ZNF385B: variants seen among roughly 807,000 people sequenced by gnomAD.
ZNF385B encodes the protein zinc finger protein 533.
A neutral mutation model predicts 39.2 loss-of-function variants in ZNF385B; 23 were observed. The observed-to-expected ratio is 0.59, with a 90% confidence interval of 0.42 to 0.83. ZNF385B has a LOEUF of 0.83. ZNF385B is among the 40% of genes least tolerant of loss of function. The pLI, the probability that ZNF385B is intolerant of heterozygous loss-of-function variation, is 0.00. For synonymous variants in ZNF385B, 205 were observed against 222.6 expected, an observed-to-expected ratio of 0.92 and a Z score of 0.70; for missense variants, 552 against 598.9, an observed-to-expected ratio of 0.92 and a Z score of 0.82.
At chr2:179,493,494 T>TAG (rs1460862157) in intron 5 of ZNF385B, among the ~76,000 whole-genome samples, 2 of 149,782 alleles carry the variant, frequency 1.3e-5, no homozygotes, top group South Asian at 4.2e-4. Flanking sequence ...TGTATAAACG[T>TAG]GTGTGTACAT....
At chr2:179,780,051 CAT>C (rs2106521886) in intron 1 of ZNF385B, among the ~76,000 whole-genome samples, 1 of 152,174 alleles carries the variant, frequency 6.6e-6, no homozygotes, top group Admixed American at 6.5e-5. Flanking sequence ...GGCCTAGGAG[CAT>C]AAACCTTCCC....
chr2:179,470,207 C>T (rs1234501021), intron 6 of ZNF385B, among the ~76,000 whole-genome samples: 1 of 152,192 alleles, frequency 6.6e-6, no homozygotes, highest in African/African-American at 2.4e-5. Context: ...CATGTTGAAA[C>T]TTCTAGTCTG....
At chr2:179,641,871 G>A (rs982962191) in intron 3 of ZNF385B, among the ~76,000 whole-genome samples, 3 of 152,058 alleles carry the variant, frequency 2.0e-5, no homozygotes, top group Non-Finnish European at 4.4e-5. Flanking sequence ...AGATGCTTTC[G>A]ATGAAGGTGG....
chr2:179,827,364 A>G (rs165376), intron 1 of ZNF385B, among the ~76,000 whole-genome samples: 152,163 of 152,236 alleles, frequency 1, 76,045 homozygotes, highest in Non-Finnish European at 1. Flanking sequence ...TCTGTCCCGT[A>G]AGCAATAAGT....
intron 3 of ZNF385B, among the ~76,000 whole-genome samples, chr2:179,734,876 C>T (rs996023051): frequency 3.3e-5 from 5 of 152,168 alleles, no homozygotes; most frequent in African/African-American, 1.2e-4. Context: ...ATAGAAAAAT[C>T]AATTCAAGAT....
At chr2:179,485,206 G>A (rs1439230834) in intron 5 of ZNF385B, among the ~76,000 whole-genome samples, 1 of 152,178 alleles carries the variant, frequency 6.6e-6, no homozygotes, top group Non-Finnish European at 1.5e-5. Flanking sequence ...GATCATTAGT[G>A]GAGAGTATGA....
chr2:179,517,728 C>A (rs2058191759), intron 5 of ZNF385B, among the ~76,000 whole-genome samples: 2 of 152,174 alleles, frequency 1.3e-5, no homozygotes, highest in South Asian at 4.2e-4. Context: ...CGGTCATTGG[C>A]TTTACTTGGT....
intron 3 of ZNF385B, among the ~76,000 whole-genome samples, chr2:179,679,208 A>G (rs542546879): frequency 1.3e-5 from 2 of 152,304 alleles, no homozygotes; most frequent in East Asian, 3.9e-4. Flanking sequence ...TAAGATTATA[A>G]TAATGTATTT....
At chr2:179,787,642 A>G (rs1336391262) in intron 1 of ZNF385B, among the ~76,000 whole-genome samples, 1 of 152,166 alleles carries the variant, frequency 6.6e-6, no homozygotes, top group Non-Finnish European at 1.5e-5. Context: ...TTCTTCTTAA[A>G]GACTGTCCTC....
chr2:179,668,283 T>A (rs1169058407), intron 3 of ZNF385B, among the ~76,000 whole-genome samples: 2 of 152,226 alleles, frequency 1.3e-5, no homozygotes, highest in Non-Finnish European at 2.9e-5. Context: ...ACTCATATAG[T>A]TACCTTAATT....
At chr2:179,809,803 T>C (rs890715974) in intron 1 of ZNF385B, among the ~76,000 whole-genome samples, 1 of 151,992 alleles carries the variant, frequency 6.6e-6, no homozygotes, top group Non-Finnish European at 1.5e-5. Context: ...AGAAAAAAAA[T>C]TATATTTATT....
intron 6 of ZNF385B, among the ~76,000 whole-genome samples, chr2:179,482,073 T>A (rs2054064893): frequency 6.6e-6 from 1 of 152,212 alleles, no homozygotes; most frequent in Non-Finnish European, 1.5e-5. Context: ...AAAGTCTTTA[T>A]TACCAAATTT....
At chr2:179,592,239 C>T (rs955881484) in intron 3 of ZNF385B, among the ~76,000 whole-genome samples, 1 of 152,124 alleles carries the variant, frequency 6.6e-6, no homozygotes, top group Non-Finnish European at 1.5e-5. Flanking sequence ...TCTCTACACC[C>T]TCTTCCTCTG....
chr2:179,692,973 C>G (rs1698465146), intron 3 of ZNF385B, among the ~76,000 whole-genome samples: 1 of 152,178 alleles, frequency 6.6e-6, no homozygotes, highest in Non-Finnish European at 1.5e-5. Flanking sequence ...TCGGTGTGGT[C>G]CCTGCACCAG....
intron 3 of ZNF385B, among the ~76,000 whole-genome samples, chr2:179,599,213 C>A (rs1311749342): frequency 1.3e-5 from 2 of 152,166 alleles, no homozygotes; most frequent in African/African-American, 4.8e-5. Flanking sequence ...GACTAAGGGA[C>A]TTGCTCAGAA....
intron 3 of ZNF385B, among the ~76,000 whole-genome samples, chr2:179,724,077 C>T (rs191825310): frequency 4.8e-4 from 73 of 152,104 alleles, no homozygotes; most frequent in Middle Eastern, 3.4e-3. Flanking sequence ...GGGAGGCCAA[C>T]GCAGGCAGAT....
chr2:179,721,893 A>G (rs1700720678), intron 3 of ZNF385B, among the ~76,000 whole-genome samples: 1 of 152,062 alleles, frequency 6.6e-6, no homozygotes. Flanking sequence ...AAAACAATAC[A>G]AGGTCTAAGA....
intron 5 of ZNF385B, among the ~76,000 whole-genome samples, chr2:179,487,105 C>G (rs2054654527): frequency 6.6e-6 from 1 of 152,192 alleles, no homozygotes; most frequent in East Asian, 1.9e-4. Context: ...ACAAGATAAA[C>G]AGTGTCATTT....
At chr2:179,619,471 C>T (rs768636966) in intron 3 of ZNF385B, among the ~76,000 whole-genome samples, 3 of 152,158 alleles carry the variant, frequency 2.0e-5, no homozygotes, top group Non-Finnish European at 2.9e-5. Flanking sequence ...GATTCCTGTC[C>T]TGCTCCCCCA....
Sources: gnomAD v4.1 joint callset for allele counts (sites outside exome capture counted in the v4.1 genomes callset) on GRCh38, gnomAD v4.1.1 for gene constraint, MANE v1.5 for transcripts, NCBI Gene and HGNC (gene_info 2026-07-23, HGNC 2026-07-21) for gene names.